Variants in DLGAP2 observed in about 807,000 individuals in gnomAD.
DLGAP2 encodes DLG associated protein 2.
Under a neutral mutation model 100.3 loss-of-function variants are expected in DLGAP2, and 26 were observed. The observed-to-expected ratio is 0.26, with a 90% confidence interval of 0.19 to 0.36. DLGAP2 has a LOEUF of 0.36. DLGAP2 is among the 10% of genes least tolerant of loss of function. DLGAP2 has a pLI of 1.00. For synonymous variants in DLGAP2, 886 were observed against 630.1 expected (o/e 1.41, Z -6.08); for missense variants, 1,858 against 1,453.2 (o/e 1.28, Z -4.53).
intron 6 of DLGAP2, among the ~76,000 whole-genome samples, chr8:1,616,535 T>G (rs117281201): frequency 6.6e-6 from 1 of 152,130 alleles, no homozygotes; most frequent in East Asian, 1.9e-4. Flanking sequence ...AATTAGAAAA[T>G]TATGACTGCC....
chr8:1,450,353 T>C (rs113930219), intron 3 of DLGAP2, among the ~76,000 whole-genome samples: 28 of 90,046 alleles, frequency 3.1e-4, no homozygotes, highest in African/African-American at 1.1e-3. Flanking sequence ...GTGGGCGACC[T>C]CGGTGGCTGA....
At chr8:1,112,448 G>A (rs1017637424) in intron 2 of DLGAP2, among the ~76,000 whole-genome samples, 17 of 152,038 alleles carry the variant, frequency 1.1e-4, no homozygotes, top group African/African-American at 4.1e-4. Context: ...CACCATGTTA[G>A]CCAGGATGGT....
At chr8:1,386,302 A>G (rs963854495) in intron 3 of DLGAP2, among the ~76,000 whole-genome samples, 2 of 152,222 alleles carry the variant, frequency 1.3e-5, no homozygotes, top group African/African-American at 4.8e-5. Context: ...GAGATTATAG[A>G]TGGCAGGTGC....
intron 2 of DLGAP2, among the ~76,000 whole-genome samples, chr8:1,244,207 G>A (rs1356890340): frequency 2.0e-5 from 3 of 152,232 alleles, no homozygotes; most frequent in South Asian, 2.1e-4. Flanking sequence ...ATTTGTAGGT[G>A]CACGTACCTG....
At chr8:1,184,387 C>G (rs1412184079) in intron 2 of DLGAP2, among the ~76,000 whole-genome samples, 3 of 152,330 alleles carry the variant, frequency 2.0e-5, no homozygotes, top group Middle Eastern at 3.4e-3. Context: ...TCCGCAAGCT[C>G]ATGTCTTCCT....
rs1288717054 is a variant in DLGAP2, at chr8:1,256,846, C to T, written c.74-2005C>T. On this transcript the variant is annotated intron_variant, in intron 2 of 14. Transcript: ENST00000637795. ...GATGGCCCGAGTCTGAGCTGGCTGC[C>T]CCGTGTCCCCTGGGTAACAGGAGCC... is the stretch of plus-strand genomic sequence containing the variant. 2.6e-5 allele frequency among the ~76,000 whole-genome samples: 4 copies of T among 152,126 alleles called. No homozygotes were observed. In the East Asian group the frequency reaches 7.7e-4, roughly 29 times the overall value.
intron 3 of DLGAP2, among the ~76,000 whole-genome samples, chr8:1,337,391 GGATGATGGT>G (rs1801305310): frequency 9.6e-6 from 1 of 104,262 alleles, no homozygotes; most frequent in Admixed American, 1.0e-4. Flanking sequence ...GTGATGGTGA[GGATGATGGT>G]GATGATGGTG....
At chr8:1,288,659 G>A (rs1188731569) in intron 3 of DLGAP2, among the ~76,000 whole-genome samples, 1 of 147,966 alleles carries the variant, frequency 6.8e-6, no homozygotes, top group Admixed American at 6.8e-5. Context: ...GTAGTTAGGA[G>A]GGGAACTTGT....
intron 2 of DLGAP2, among the ~76,000 whole-genome samples, chr8:911,611 T>A (rs956560601): frequency 2.0e-5 from 3 of 151,712 alleles, no homozygotes; most frequent in Admixed American, 2.0e-4. Context: ...TGCTGGAGAA[T>A]GTTGGAAGGA....
At chr8:1,361,597 A>G (rs1004609074) in intron 3 of DLGAP2, among the ~76,000 whole-genome samples, 15 of 152,330 alleles carry the variant, frequency 9.8e-5, no homozygotes, top group African/African-American at 3.4e-4. Flanking sequence ...ACTGAGCTTG[A>G]TACATTCTTA....
At chr8:783,826 C>A (rs1425531790) in intron 1 of DLGAP2, among the ~76,000 whole-genome samples, 1 of 152,174 alleles carries the variant, frequency 6.6e-6, no homozygotes, top group Admixed American at 6.5e-5. Context: ...ATCTGTCTCA[C>A]TGCTGGTGAA....
intron 3 of DLGAP2, among the ~76,000 whole-genome samples, chr8:1,287,099 C>T (rs1799937567): frequency 6.7e-6 from 1 of 150,068 alleles, no homozygotes; most frequent in Non-Finnish European, 1.5e-5. Flanking sequence ...TATGTGTGTG[C>T]ATGGTTAAGA....
At chr8:962,929 G>A (rs899288643) in intron 2 of DLGAP2, among the ~76,000 whole-genome samples, 1 of 152,206 alleles carries the variant, frequency 6.6e-6, no homozygotes, top group Non-Finnish European at 1.5e-5. Flanking sequence ...GGTACCGACT[G>A]CAGCAGCCCA....
Position 1,179,452 on chromosome 8 carries a change from C to G in DLGAP2, c.74-79399C>G, listed in dbSNP as rs559496612. On this transcript the variant is annotated intron_variant, in intron 2 of 14. Coordinates refer to ENST00000637795, the MANE Select transcript of DLGAP2 (RefSeq NM_001346810.2). ...AAGGCTCAGCTCCCTGCTGTCCACA[C>G]CTTCAGGAGCGTCCCCAGCAGGCTC... is the stretch of plus-strand genomic sequence containing the variant. Among the ~76,000 whole-genome samples the G allele has an allele frequency of 8.5e-5, 13 of 152,346 alleles. 1 individual carries two copies. In the South Asian group the frequency reaches 2.1e-3, roughly 24 times the overall value.
Position 892,460 on chromosome 8 carries a change from C to CTG in DLGAP2, c.19-15447_19-15446dup, listed in dbSNP as rs1457863964. 2.6e-5 allele frequency among the ~76,000 whole-genome samples: 4 copies of CTG among 152,160 alleles called. No homozygotes were observed. The East Asian group carries it at 7.7e-4, about 29-fold the overall frequency. On this transcript the variant is annotated intron_variant, in intron 1 of 14. Coordinates refer to ENST00000637795, the MANE Select transcript of DLGAP2 (RefSeq NM_001346810.2). The stretch of plus-strand genomic sequence containing the variant: ...ATAAGCCAGTCACAGAAAGACCTTG[C>CTG]TGTGTGACTCCACTCATACAATGCC...
At chr8:1,362,944 G>A (rs935972681) in intron 3 of DLGAP2, among the ~76,000 whole-genome samples, 5 of 152,032 alleles carry the variant, frequency 3.3e-5, no homozygotes, top group African/African-American at 1.2e-4. Context: ...TTCACTTCGG[G>A]GCAGCACCCT....
intron 2 of DLGAP2, among the ~76,000 whole-genome samples, chr8:1,244,455 G>C (rs913419205): frequency 6.6e-6 from 1 of 152,224 alleles, no homozygotes; most frequent in South Asian, 2.1e-4. Flanking sequence ...TAAAAGAGGT[G>C]CCATAGAAAC....
intron 2 of DLGAP2, among the ~76,000 whole-genome samples, chr8:1,217,291 T>C (rs979387962): frequency 2.0e-5 from 3 of 152,206 alleles, no homozygotes; most frequent in African/African-American, 7.2e-5. Context: ...GATATGATCT[T>C]GTTTTTTTAT....
At chr8:846,978 C>T (rs1797083431) in intron 1 of DLGAP2, among the ~76,000 whole-genome samples, 1 of 152,178 alleles carries the variant, frequency 6.6e-6, no homozygotes, top group Admixed American at 6.5e-5. Context: ...GGGTTTACTA[C>T]TAAGCTTATA....
Sources: gnomAD v4.1 joint callset for allele counts (sites outside exome capture counted in the v4.1 genomes callset) on GRCh38, gnomAD v4.1.1 for gene constraint, MANE v1.5 for transcripts, NCBI Gene and HGNC (gene_info 2026-07-23, HGNC 2026-07-21) for gene names.